The following NAALADL2 variants were observed in gnomAD, a reference collection of about 807,000 sequenced individuals.
NAALADL2 encodes N-acetylated alpha-linked acidic dipeptidase like 2.
In NAALADL2, 76 loss-of-function variants were observed where a neutral mutation model predicts 87.2. The observed-to-expected ratio is 0.87, with a 90% CI of 0.72 to 1.05. The LOEUF (loss-of-function observed/expected upper bound fraction) is 1.05, where lower values mean the gene tolerates loss of function less well. Among genes scored for constraint, NAALADL2 ranks in the 50% least tolerant of loss-of-function variants. NAALADL2 has a pLI of 0.00. For synonymous variants in NAALADL2, 354 were observed against 331.0 expected (o/e 1.07, Z -0.75); for missense variants, 1,089 against 945.8 (o/e 1.15, Z -1.99).
intron 2 of NAALADL2, among the ~76,000 whole-genome samples, chr3:175,160,473 C>T (rs755094345): frequency 2.6e-4 from 38 of 145,302 alleles, no homozygotes; most frequent in Admixed American, 5.0e-4. Context: ...CTGCCTCAGC[C>T]TCCTAAGTAA....
rs1289472664 is a variant in NAALADL2, at chr3:175,466,917, C to T, written c.1328-62C>T. ...TTGTGCAATAGAATTATGTAAATGTCATTAAATTTATTGTTAAGGTTTACA... is the reference window on the plus strand; with the variant it reads ...TTGTGCAATAGAATTATGTAAATGTTATTAAATTTATTGTTAAGGTTTACA... On this transcript the variant is annotated intron_variant, in intron 7 of 13. Coordinates refer to ENST00000454872, the MANE Select transcript of NAALADL2 (RefSeq NM_207015.3). 3.8e-6 allele frequency: 5 copies of T among 1,299,952 alleles called. No individual in the cohort carries two copies. The Admixed American group carries it at 5.1e-5, about 13-fold the overall frequency. The allele number at this position is 1,299,952 out of a possible 1,614,324, so 80.5% of individuals were successfully genotyped here.
intron 8 of NAALADL2, 136 bp from the exon 9 acceptor site, chr3:175,471,503 A>AAG (rs1232913851): frequency 0.034 from 3,811 of 112,370 alleles, 93 homozygotes; most frequent in East Asian, 0.25. Flanking sequence ...GAAAGAAAGA[A>AAG]AAAAAAAAAG....
chr3:174,508,443 C>T (rs1487097197), intron 1 of NAALADL2, among the ~76,000 whole-genome samples: 1 of 152,054 alleles, frequency 6.6e-6, no homozygotes, highest in East Asian at 1.9e-4. Context: ...ACTTGCATTT[C>T]CTTAATGACT....
At chr3:174,846,128 G>C (rs1361542514) in intron 3 of NAALADL2, among the ~76,000 whole-genome samples, 5 of 152,096 alleles carry the variant, frequency 3.3e-5, no homozygotes, top group Non-Finnish European at 7.4e-5. Context: ...GGCAGTGATG[G>C]GGACCACCAA....
At chr3:174,881,623 T>G (rs1729210746) in intron 1 of NAALADL2, among the ~76,000 whole-genome samples, 1 of 152,180 alleles carries the variant, frequency 6.6e-6, no homozygotes. Context: ...TTGTTTTTAT[T>G]GTTTGTCTTT....
chr3:174,651,187 T>G (rs1439531898), intron 2 of NAALADL2, among the ~76,000 whole-genome samples: 1 of 152,202 alleles, frequency 6.6e-6, no homozygotes, highest in Non-Finnish European at 1.5e-5. Flanking sequence ...ATGTAATCAT[T>G]GACCTCAAAA....
At chr3:175,636,448 C>T (rs892018618) in intron 11 of NAALADL2, among the ~76,000 whole-genome samples, 1 of 152,004 alleles carries the variant, frequency 6.6e-6, no homozygotes, top group Non-Finnish European at 1.5e-5. Flanking sequence ...CTTGTAATCC[C>T]AGAATTTTGG....
chr3:174,638,459 T>G (rs1022313120), intron 2 of NAALADL2, among the ~76,000 whole-genome samples: 1 of 152,162 alleles, frequency 6.6e-6, no homozygotes, highest in Non-Finnish European at 1.5e-5. Flanking sequence ...AACAGATTGA[T>G]GCATCTGAGG....
chr3:174,804,148 G>A (rs543370465), intron 3 of NAALADL2, among the ~76,000 whole-genome samples: 1 of 152,156 alleles, frequency 6.6e-6, no homozygotes, highest in South Asian at 2.1e-4. Context: ...ATTTTGTTGA[G>A]CAGTGGTTTG....
intron 4 of NAALADL2, among the ~76,000 whole-genome samples, chr3:175,279,112 AAAG>A (rs1420233922): frequency 2.6e-5 from 4 of 152,158 alleles, no homozygotes; most frequent in Non-Finnish European, 5.9e-5. Context: ...TATTTTGTTC[AAAG>A]AAGTAGATGG....
At chr3:174,462,894 T>A (rs73881168) in intron 1 of NAALADL2, among the ~76,000 whole-genome samples, 4,454 of 152,260 alleles carry the variant, frequency 0.029, 203 homozygotes, top group African/African-American at 0.1. Flanking sequence ...AAATGATAAT[T>A]CAGTAATCCT....
chr3:174,984,774 C>T (rs1440363880), intron 1 of NAALADL2, among the ~76,000 whole-genome samples: 1 of 152,026 alleles, frequency 6.6e-6, no homozygotes, highest in Admixed American at 6.6e-5. Flanking sequence ...AAGGCACATA[C>T]AATTGAAGGG....
intron 3 of NAALADL2, among the ~76,000 whole-genome samples, chr3:174,815,257 G>T (rs992952010): frequency 2.8e-4 from 43 of 152,258 alleles, no homozygotes; most frequent in African/African-American, 1.0e-3. Flanking sequence ...TTTTCTCGGA[G>T]TGCTGGAGTT....
intron 2 of NAALADL2, among the ~76,000 whole-genome samples, chr3:174,580,883 T>C (rs770586806): frequency 6.6e-6 from 1 of 152,150 alleles, no homozygotes; most frequent in Non-Finnish European, 1.5e-5. Flanking sequence ...ATGTTAAGTA[T>C]ATTTTGATTT....
chr3:175,012,455 A>G lies in NAALADL2; in HGVS notation c.44-84335A>G, dbSNP rs201596773. On this transcript the variant is annotated intron_variant, in intron 1 of 13. Coordinates refer to ENST00000454872, the MANE Select transcript of NAALADL2 (RefSeq NM_207015.3). ...ATTGTTGGGATTACAGGTGTGAGCC[A>G]CCGTGCCTGGCCCATAAATTAATTG... Among the ~76,000 whole-genome samples the G allele has an allele frequency of 3.6e-4, 55 of 152,298 alleles. No individual in the cohort carries two copies. In the East Asian group the frequency reaches 0.01, roughly 28 times the overall value.
At chr3:174,992,457 C>G (rs986520713) in intron 1 of NAALADL2, among the ~76,000 whole-genome samples, 3 of 151,974 alleles carry the variant, frequency 2.0e-5, no homozygotes, top group African/African-American at 7.2e-5. Context: ...TAGATAATAT[C>G]TATTATTAGG....
chr3:175,803,256 C>CTAAT lies in NAALADL2; in HGVS notation c.*55_*58dup. ...GTTTACAATTCCACAAGCAAAAGCT[C>CTAAT]TAATTTAACCAGATTTTCTGACATT... On this transcript the variant is annotated 3_prime_UTR_variant, in exon 14 of 14. Coordinates refer to ENST00000454872, the MANE Select transcript of NAALADL2 (RefSeq NM_207015.3). The CTAAT allele has an allele frequency of 7.4e-7, 1 of 1,349,534 alleles. No individual in the cohort carries two copies. The highest frequency in any genetic ancestry group is 1.0e-6 in the Non-Finnish European group (1 of 990,234). 83.6% of individuals were successfully genotyped at this position (1,349,534 alleles called of 1,614,324 possible). A position where few individuals can be genotyped will look rare whatever the true frequency, so the allele number is the denominator to read the frequency against.
intron 4 of NAALADL2, among the ~76,000 whole-genome samples, chr3:175,316,557 G>T (rs1759168025): frequency 6.6e-6 from 1 of 152,110 alleles, no homozygotes; most frequent in Non-Finnish European, 1.5e-5. Context: ...CCCCCATGTA[G>T]TCATCGTTCT....
intron 1 of NAALADL2, among the ~76,000 whole-genome samples, chr3:174,892,650 G>T (rs1270891953): frequency 6.6e-6 from 1 of 152,060 alleles, no homozygotes; most frequent in South Asian, 2.1e-4. Flanking sequence ...TAGTTCCAAT[G>T]CGGTGTCTCA....
Sources: allele counts gnomAD v4.1 joint callset (sites outside exome capture counted in the v4.1 genomes callset), GRCh38; gene constraint gnomAD v4.1.1; transcripts MANE v1.5; gene names NCBI Gene and HGNC (gene_info 2026-07-23, HGNC 2026-07-21).